ANAPC7: variants seen among roughly 807,000 people sequenced by gnomAD.
ANAPC7 encodes the protein anaphase-promoting complex subunit 7.
A neutral mutation model predicts 63.3 loss-of-function variants in ANAPC7; 25 were observed. The ratio of observed to expected loss-of-function variants is 0.39; its 90% CI spans 0.29 to 0.55. The LOEUF (loss-of-function observed/expected upper bound fraction) is 0.55, where lower values mean the gene tolerates loss of function less well. ANAPC7 is among the 20% of genes least tolerant of loss of function. The pLI is 0.57. For missense variants in ANAPC7, 516 were observed against 691.7 expected, an observed-to-expected ratio of 0.75 and a Z score of 2.85; for synonymous variants, 241 against 251.7, an observed-to-expected ratio of 0.96 and a Z score of 0.40.
At chr12:110,390,162 G>C (rs1346516651) in intron 3 of ANAPC7, among the ~76,000 whole-genome samples, 2 of 151,670 alleles carry the variant, frequency 1.3e-5, no homozygotes, top group Non-Finnish European at 2.9e-5. Flanking sequence ...TCTGCCTCCT[G>C]GGTTCAAGTG....
At chr12:110,394,487 G>C (rs1460595791) in intron 3 of ANAPC7, among the ~76,000 whole-genome samples, 1 of 151,618 alleles carries the variant, frequency 6.6e-6, no homozygotes, top group Non-Finnish European at 1.5e-5. Flanking sequence ...AAATTAGCCT[G>C]GCGTGGTGGC....
intron 8 of ANAPC7, chr12:110,378,430 C>T (rs1424554110): frequency 6.6e-6 from 1 of 152,170 alleles, no homozygotes; most frequent in Non-Finnish European, 1.5e-5. Context: ...TACAGTTTGA[C>T]AAATAAAGGA....
At position 110,374,205 on chromosome 12, in the gene ANAPC7, T is replaced by C. The variant is rs766702987; in HGVS notation, c.1637A>G (p.Glu546Gly). 1 of 1,613,958 alleles carries C rather than the reference T, an allele frequency of 6.2e-7. No homozygotes were observed. Among genetic ancestry groups the C allele is most frequent in the Non-Finnish European group, 8.5e-7 (1 of 1,180,020 alleles). The change falls in exon 11 of 11, where the codon GAG becomes GGG. Residue 546 changes from glutamate (E) to glycine (G), a missense_variant. Physicochemically the swap from Glu to Gly is moderately conservative, Grantham distance 98. Around this residue, in one of 4 missense-constraint regions of ANAPC7, gnomAD observed 122 missense variants for 212.0 expected, o/e 0.58. Coordinates refer to ENST00000455511, the MANE Select transcript of ANAPC7 (RefSeq NM_016238.3). Reference protein sequence around the residue: ...MEGSGEEGDLEGSDSEAAQWA... With the variant: ...MEGSGEEGDLGGSDSEAAQWA... ...CTGGGCCGCCTCACTGTCGCTGCCC[T>C]CCAGGTCCCCTTCTTCCCCACTCCC... is the stretch of plus-strand genomic sequence containing the variant.
chr12:110,382,941 G>A lies in ANAPC7; in HGVS notation c.837C>T (p.Tyr279=), dbSNP rs1359811623. 1 of 1,613,656 alleles carries A rather than the reference G, an allele frequency of 6.2e-7. No individual in the cohort carries two copies. The highest frequency in any genetic ancestry group is 8.5e-7 in the Non-Finnish European group (1 of 1,179,780). ...CTAGCCGCCCTTCTCGTGCCAGTAG[G>A]TAGCCATATACATCCATTCCTAGAA... ...YLIKGMDVYG[Y]LLAREGRLED... Residue 279 remains tyrosine (Y), a synonymous_variant, in exon 7 of 11, where the codon TAC becomes TAT. Coordinates refer to ENST00000455511, the MANE Select transcript of ANAPC7 (RefSeq NM_016238.3).
In ANAPC7 at chr12:110,377,628, T is replaced by A. The variant is rs752188441; in HGVS notation, c.1133-11A>T. ...AACATTCGATAAGACCTGAAAAAAG[T>A]AAAACACGTGAAGACATTCAATGCC... On this transcript the variant is annotated splice_polypyrimidine_tract_variant and intron_variant, in intron 8 of 10. Coordinates refer to ENST00000455511, the MANE Select transcript of ANAPC7 (RefSeq NM_016238.3). 1 of 1,613,990 alleles carries A rather than the reference T, an allele frequency of 6.2e-7. No homozygotes were observed. Among genetic ancestry groups the A allele is most frequent in the African/African-American group, 1.3e-5 (1 of 74,934 alleles).
intron 1 of ANAPC7, among the ~76,000 whole-genome samples, chr12:110,400,683 A>G (rs2062215306): frequency 1.3e-5 from 2 of 152,160 alleles, no homozygotes; most frequent in African/African-American, 4.8e-5. Flanking sequence ...TAAGGCTGAC[A>G]GAGACCAGGG....
chr12:110,392,255 G>T (rs940023022), intron 3 of ANAPC7, among the ~76,000 whole-genome samples: 1 of 152,174 alleles, frequency 6.6e-6, no homozygotes, highest in Non-Finnish European at 1.5e-5. Context: ...GGCTTATGAT[G>T]AGAGAGGTTA....
At chr12:110,393,565 A>T (rs952116508) in intron 3 of ANAPC7, among the ~76,000 whole-genome samples, 6 of 151,710 alleles carry the variant, frequency 4.0e-5, no homozygotes, top group African/African-American at 1.2e-4. Context: ...ATCTCTATTT[A>T]AAAAAAAGAA....
intron 1 of ANAPC7, among the ~76,000 whole-genome samples, chr12:110,402,264 CAG>C (rs2062241903): frequency 6.6e-6 from 1 of 151,854 alleles, no homozygotes; most frequent in Non-Finnish European, 1.5e-5. Context: ...GATGAAGTCG[CAG>C]AGAGTGGAGG....
At position 110,395,229 on chromosome 12, in the gene ANAPC7, C is replaced by T. The variant is rs1240724197; in HGVS notation, c.289-9G>A. The T allele has an allele frequency of 6.2e-6, 10 of 1,601,768 alleles. No individual in the cohort carries two copies. Among genetic ancestry groups the T allele is most frequent in the South Asian group, 3.3e-5 (3 of 89,986 alleles). The stretch of plus-strand genomic sequence containing the variant: ...ATTTCAGATGGAAGACACTAAAAGA[C>T]AATGGAAATATTTCTTTGAAACGTT... On this transcript the variant is annotated splice_polypyrimidine_tract_variant and intron_variant, in intron 2 of 10. Transcript: ENST00000455511.
At chr12:110,395,496 T>C (rs535905221) in intron 2 of ANAPC7, among the ~76,000 whole-genome samples, 47 of 152,228 alleles carry the variant, frequency 3.1e-4, no homozygotes, top group African/African-American at 1.1e-3. Context: ...TCTCACTATG[T>C]TGCCAAGGCT....
rs1201516822 is a variant in ANAPC7, at chr12:110,403,672, A to AG, written c.-46_-45insC. ...GGCAGCGGCGGCAGCACTGACTCGA[A>AG]AAGCCGGTAGAGGATCCTTAGGGAA... On this transcript the variant is annotated 5_prime_UTR_variant, in exon 1 of 11. Coordinates refer to ENST00000455511, the MANE Select transcript of ANAPC7 (RefSeq NM_016238.3). 1 of 1,559,574 alleles carries AG rather than the reference A, an allele frequency of 6.4e-7. No homozygotes were observed. The highest frequency in any genetic ancestry group is 2.4e-5 in the East Asian group (1 of 41,868).
In ANAPC7 at chr12:110,377,628, T is replaced by G; in HGVS notation, c.1133-11A>C. 1.2e-6 allele frequency: 2 copies of G among 1,614,108 alleles called. No individual in the cohort carries two copies. The highest frequency in any genetic ancestry group is 1.7e-6 in the Non-Finnish European group (2 of 1,179,964). ...AACATTCGATAAGACCTGAAAAAAG[T>G]AAAACACGTGAAGACATTCAATGCC... On this transcript the variant is annotated splice_polypyrimidine_tract_variant and intron_variant, in intron 8 of 10. Transcript: ENST00000455511.
At chr12:110,378,336 C>T (rs555376467) in intron 8 of ANAPC7, among the ~76,000 whole-genome samples, 2 of 152,318 alleles carry the variant, frequency 1.3e-5, no homozygotes, top group Non-Finnish European at 2.9e-5. Context: ...TCAGGTGATC[C>T]GCCCAGCTCA....
In ANAPC7 at chr12:110,374,188, C is replaced by T; in HGVS notation, c.1654G>A (p.Ala552Thr). Residue 552 changes from alanine (A) to threonine (T), a missense_variant, in exon 11 of 11, where the codon GCG becomes ACG. Ala to Thr is a moderately conservative substitution (Grantham distance 58). Around this residue, in one of 4 missense-constraint regions of ANAPC7, gnomAD observed 122 missense variants for 212.0 expected, o/e 0.58. Transcript: ENST00000455511. ...TGCTCCTGGTCAGCCCACTGGGCCG[C>T]CTCACTGTCGCTGCCCTCCAGGTCC... Reference protein sequence around the residue: ...EGDLEGSDSEAAQWADQEQWF... With the variant: ...EGDLEGSDSETAQWADQEQWF... The T allele has an allele frequency of 6.2e-7, 1 of 1,613,756 alleles. No homozygotes were observed. Among genetic ancestry groups the T allele is most frequent in the East Asian group, 2.2e-5 (1 of 44,888 alleles).
At chr12:110,397,508 G>A (rs1325565628) in intron 1 of ANAPC7, among the ~76,000 whole-genome samples, 2 of 149,902 alleles carry the variant, frequency 1.3e-5, no homozygotes, top group African/African-American at 2.5e-5. Context: ...AGCCGAGATC[G>A]CGCCACTGCA....
chr12:110,388,182 A>C (rs1340743433), intron 4 of ANAPC7, among the ~76,000 whole-genome samples: 1 of 152,068 alleles, frequency 6.6e-6, no homozygotes. Context: ...GACTACAGGC[A>C]CGCGCCACCA....
In ANAPC7 at chr12:110,377,721, A is replaced by C. The variant is rs1881418889; in HGVS notation, c.1133-104T>G. On this transcript the variant is annotated intron_variant, in intron 8 of 10. Transcript: ENST00000455511. ...ATTGCTAACCTTCAAAGTTTCAGACAAAGGGCAGGCCACGGGAAACTGATG... is the reference window on the plus strand; with the variant it reads ...ATTGCTAACCTTCAAAGTTTCAGACCAAGGGCAGGCCACGGGAAACTGATG... 6 of 1,553,202 alleles carry C rather than the reference A, an allele frequency of 3.9e-6. No individual in the cohort carries two copies. The Admixed American group carries it at 1.1e-4, about 29-fold the overall frequency.
chr12:110,385,491 C>T (rs938183967), intron 6 of ANAPC7, among the ~76,000 whole-genome samples: 2 of 152,196 alleles, frequency 1.3e-5, no homozygotes, highest in African/African-American at 4.8e-5. Flanking sequence ...CTGCCATTGC[C>T]ATTCCAAGCT....
Sources: gnomAD v4.1 joint callset for allele counts (sites outside exome capture counted in the v4.1 genomes callset) on GRCh38, gnomAD v4.1.1 for gene constraint, gnomAD v4.1.1 regional missense constraint, MANE v1.5 for transcripts, NCBI Gene and HGNC (gene_info 2026-07-23, HGNC 2026-07-21) for gene names.